Variants in BCL11B observed in about 807,000 individuals in gnomAD.
BCL11B encodes the protein B-cell lymphoma/leukemia 11B.
A neutral mutation model predicts 49.9 loss-of-function variants in BCL11B; 8 were observed. That is an observed-to-expected ratio of 0.16 (90% confidence interval 0.09 to 0.29). The LOEUF is 0.29. Among genes scored for constraint, BCL11B ranks in the 10% least tolerant of loss-of-function variants. The pLI, the probability that BCL11B is intolerant of heterozygous loss-of-function variation, is 1.00. For synonymous variants in BCL11B, 739 were observed against 637.4 expected (o/e 1.16, Z -2.40); for missense variants, 1,006 against 1,351.0 (o/e 0.74, Z 4.00).
At chr14:99,268,642 C>T (rs1018951304) in intron 1 of BCL11B, among the ~76,000 whole-genome samples, 5 of 152,020 alleles carry the variant, frequency 3.3e-5, no homozygotes, top group African/African-American at 1.2e-4. Flanking sequence ...TCCCACCTCC[C>T]TCCCAGGTGA....
chr14:99,226,797 C>A (rs994109614), intron 3 of BCL11B, among the ~76,000 whole-genome samples: 2 of 152,180 alleles, frequency 1.3e-5, no homozygotes, highest in Non-Finnish European at 2.9e-5. Flanking sequence ...TATGGTTAAA[C>A]CCTACTATTT....
rs766267383 is a variant in BCL11B at position 99,175,904 on chromosome 14, G to A, written c.932C>T (p.Pro311Leu). Residue 311 changes from proline to leucine, a missense_variant, in exon 4 of 4, where the codon CCG becomes CTG. Physicochemically the swap from Pro to Leu is moderately conservative, Grantham distance 98 (BLOSUM62 -3). Coordinates refer to ENST00000357195, the MANE Select transcript of BCL11B (RefSeq NM_138576.4). Reference sequence around the variant, plus strand: ...GGGACTGAAGAGAGGCGGCGTGCCCGGCAGGCGGCCCTCGCCGAAGCCCGG... The same window carrying A: ...GGGACTGAAGAGAGGCGGCGTGCCCAGCAGGCGGCCCTCGCCGAAGCCCGG... ...DHPGFGEGRL[P>L]GTPPLFSPPP... 2.8e-6 allele frequency: 4 copies of A among 1,453,018 alleles called. No individual in the cohort carries two copies. Among genetic ancestry groups the A allele is most frequent in the South Asian group, 1.5e-5 (1 of 68,394 alleles). The allele number at this position is 1,453,018 out of a possible 1,614,324, so 90.0% of individuals were successfully genotyped here.
intron 2 of BCL11B, among the ~76,000 whole-genome samples, chr14:99,236,769 GAAAA>G (rs1393826538): frequency 1.3e-5 from 2 of 152,150 alleles, no homozygotes; most frequent in Non-Finnish European, 1.5e-5. Context: ...GGGCCGTGAG[GAAAA>G]GCGCCCTCCA....
intron 3 of BCL11B, among the ~76,000 whole-genome samples, chr14:99,224,531 T>A (rs1477252685): frequency 6.6e-6 from 1 of 152,108 alleles, no homozygotes; most frequent in Non-Finnish European, 1.5e-5. Context: ...AAGAGCTAAG[T>A]CGTCACTGGG....
chr14:99,196,729 G>A (rs1887189731), intron 3 of BCL11B, among the ~76,000 whole-genome samples: 2 of 152,158 alleles, frequency 1.3e-5, no homozygotes, highest in South Asian at 4.1e-4. Flanking sequence ...CACAAGAGAG[G>A]GGACCTTGCA....
intron 3 of BCL11B, among the ~76,000 whole-genome samples, chr14:99,229,119 AATGGATGGATGGATGG>A (rs5810933): frequency 1.3e-4 from 18 of 137,920 alleles, no homozygotes; most frequent in South Asian, 2.3e-4. Flanking sequence ...TACAGGGATG[AATGGATGGATGGATGG>A]ATGGATGGAT....
chr14:99,264,717 T>A (rs1460995576), intron 1 of BCL11B: 1 of 152,208 alleles, frequency 6.6e-6, no homozygotes, highest in African/African-American at 2.4e-5. Flanking sequence ...GCACCATTCA[T>A]CAAGCCTCCA....
intron 2 of BCL11B, among the ~76,000 whole-genome samples, chr14:99,250,851 G>T (rs1352673986): frequency 9.1e-6 from 1 of 109,500 alleles, no homozygotes; most frequent in Non-Finnish European, 1.8e-5. Flanking sequence ...AATAAATAAG[G>T]CCTCAAACCT....
rs557544304 is a variant in BCL11B at position 99,209,632 on chromosome 14, T to C, written c.640+21713A>G. On this transcript the variant is annotated intron_variant, in intron 3 of 3. Coordinates refer to ENST00000357195, the MANE Select transcript of BCL11B (RefSeq NM_138576.4). ...CCCCCGGCAGGGGAGAACCTCAGCC[T>C]CAGGCTGAGCCAGGGCCATGGCTGC... Among the ~76,000 whole-genome samples the C allele has an allele frequency of 9.9e-5, 15 of 152,158 alleles. 1 individual carries two copies. In the East Asian group the frequency reaches 2.9e-3, roughly 30 times the overall value.
At position 99,174,446 on chromosome 14, in the gene BCL11B, G is replaced by A; in HGVS notation, c.2390C>T (p.Thr797Met). The A allele has an allele frequency of 6.2e-7, 1 of 1,610,352 alleles. No homozygotes were observed. Among genetic ancestry groups the A allele is most frequent in the South Asian group, 1.1e-5 (1 of 90,762 alleles). ...PSSKEGRRSD[T>M]CEYCGKVFKN... ...GAACACCTTGCCGCAGTACTCGCAC[G>A]TGTCGCTGCGGCGGCCCTCCTTGGA... The change falls in exon 4 of 4, where the codon ACG becomes ATG. Residue 797 changes from threonine (T) to methionine (M), a missense_variant. By Grantham distance (81) the Thr-to-Met change is moderately conservative (BLOSUM62 -1). Coordinates refer to ENST00000357195, the MANE Select transcript of BCL11B (RefSeq NM_138576.4).
Position 99,205,148 on chromosome 14 carries a change from A to T in BCL11B, c.640+26197T>A, listed in dbSNP as rs1001301890. ...GAAGCAGCTCTTTCACAACAGTAGG[A>T]AGAGGGAATTAAAAAAAAAACAGGC... On this transcript the variant is annotated intron_variant, in intron 3 of 3. Coordinates refer to ENST00000357195, the MANE Select transcript of BCL11B (RefSeq NM_138576.4). This position sits in a 1 kb window ranked among gnomAD's most constrained non-coding sequence, Gnocchi z 5.0. Among the ~76,000 whole-genome samples the T allele has an allele frequency of 6.6e-6, 1 of 152,086 alleles. No individual in the cohort carries two copies. The highest frequency in any genetic ancestry group is 3.2e-3 in the Middle Eastern group (1 of 316).
Position 99,248,563 on chromosome 14 carries a change from T to C in BCL11B, c.427+8908A>G, listed in dbSNP as rs958927964. The stretch of plus-strand genomic sequence containing the variant: ...CAGGGCCTGGTCACACAAGGGGCTC[T>C]GAGCTTCAACTGTTTACCTCACGGT... On this transcript the variant is annotated intron_variant, in intron 2 of 3. Coordinates refer to ENST00000357195, the MANE Select transcript of BCL11B (RefSeq NM_138576.4). This position sits in a 1 kb window ranked among gnomAD's most constrained non-coding sequence, Gnocchi z 4.7. Among the ~76,000 whole-genome samples the C allele has an allele frequency of 6.6e-6, 1 of 152,200 alleles. No individual in the cohort carries two copies. The highest frequency in any genetic ancestry group is 2.4e-5 in the African/African-American group (1 of 41,444).
At chr14:99,229,924 G>A (rs1161644601) in intron 3 of BCL11B, among the ~76,000 whole-genome samples, 1 of 152,116 alleles carries the variant, frequency 6.6e-6, no homozygotes, top group Non-Finnish European at 1.5e-5. Flanking sequence ...AGGACAGGAG[G>A]CCTGAGCACC....
In BCL11B at chr14:99,174,662, G is replaced by C; in HGVS notation, c.2174C>G (p.Pro725Arg). The C allele has an allele frequency of 6.3e-7, 1 of 1,580,494 alleles. No homozygotes were observed. Among genetic ancestry groups the C allele is most frequent in the South Asian group, 1.1e-5 (1 of 88,054 alleles). Residue 725 changes from proline to arginine, a missense_variant, in exon 4 of 4, where the codon CCC (proline) becomes CGC (arginine). Coordinates refer to ENST00000357195, the MANE Select transcript of BCL11B (RefSeq NM_138576.4). ...TCGTGCGTCCGTGAAGCCCAGGAAG[G>C]GGTCCTTCATGAAGTGCCGCGACGC... ...YAASRHFMKD[P>R]FLGFTDARQS...
In BCL11B at chr14:99,213,229, G is replaced by A. The variant is rs1254514068; in HGVS notation, c.640+18116C>T. Among the ~76,000 whole-genome samples, 2 of 152,202 alleles carry A rather than the reference G, an allele frequency of 1.3e-5. No individual in the cohort carries two copies. Among genetic ancestry groups the A allele is most frequent in the African/African-American group, 2.4e-5 (1 of 41,456 alleles). On this transcript the variant is annotated intron_variant, in intron 3 of 3. Coordinates refer to ENST00000357195, the MANE Select transcript of BCL11B (RefSeq NM_138576.4). This position sits in a 1 kb window ranked among gnomAD's most constrained non-coding sequence, Gnocchi z 5.1. ...CGATGAGCCCCTGGAATGAAGAAGG[G>A]AGCCCCGGAGGCTCGGCCGACCTGG...
chr14:99,190,908 G>GA (rs899753781), intron 3 of BCL11B, among the ~76,000 whole-genome samples: 1 of 20,244 alleles, frequency 4.9e-5, no homozygotes. Flanking sequence ...TCGGCCACAC[G>GA]GGGGGGGTCA....
Position 99,254,075 on chromosome 14 carries a change from G to C in BCL11B, c.427+3396C>G, listed in dbSNP as rs1406492230. Among the ~76,000 whole-genome samples, 7 of 152,198 alleles carry C rather than the reference G, an allele frequency of 4.6e-5. No homozygotes were observed. The South Asian group carries it at 1.4e-3, about 31-fold the overall frequency. ...CAGGGCTGCTGCCAGCTCACACTCT[G>C]CCCATTATCCCCATGTTGGACGCCC... On this transcript the variant is annotated intron_variant, in intron 2 of 3. Coordinates refer to ENST00000357195, the MANE Select transcript of BCL11B (RefSeq NM_138576.4).
At chr14:99,198,967 G>A (rs955712131) in intron 3 of BCL11B, among the ~76,000 whole-genome samples, 15 of 152,026 alleles carry the variant, frequency 9.9e-5, no homozygotes, top group Admixed American at 7.2e-4. Context: ...CAGACTCCCC[G>A]GACACCACTT....
At chr14:99,209,751 T>A (rs1449796097) in intron 3 of BCL11B, among the ~76,000 whole-genome samples, 1 of 152,050 alleles carries the variant, frequency 6.6e-6, no homozygotes, top group Non-Finnish European at 1.5e-5. Context: ...CCAGGCCAGT[T>A]GTCCTCTCTG....
Sources: allele counts gnomAD v4.1 joint callset (sites outside exome capture counted in the v4.1 genomes callset), GRCh38; gene constraint gnomAD v4.1.1; non-coding constraint Gnocchi (gnomAD v3.1); transcripts MANE v1.5; gene names NCBI Gene and HGNC (gene_info 2026-07-23, HGNC 2026-07-21).